SORBS2: variants seen among roughly 807,000 people sequenced by gnomAD.
The protein encoded by SORBS2 is sorbin and SH3 domain-containing protein 2.
Under a neutral mutation model 97.7 loss-of-function variants are expected in SORBS2, and 46 were observed. The observed-to-expected ratio is 0.47, with a 90% CI of 0.37 to 0.60. SORBS2 has a LOEUF of 0.60. SORBS2 is among the 20% of genes least tolerant of loss of function. The pLI, the probability that SORBS2 is intolerant of heterozygous loss-of-function variation, is 0.00. For missense variants in SORBS2, 1,316 were observed against 1,282.3 expected (o/e 1.03, Z -0.40); for synonymous variants, 476 against 473.4 (o/e 1.01, Z -0.07).
chr4:185,731,866 CTATATA>C (rs544211866), intron 2 of SORBS2, among the ~76,000 whole-genome samples: 465 of 24,534 alleles, frequency 0.019, 3 homozygotes, highest in Middle Eastern at 0.031. Context: ...CTCTCTCTCT[CTATATA>C]TATATATATA....
chr4:185,885,739 T>C (rs1270690572), intron 1 of SORBS2, among the ~76,000 whole-genome samples: 1 of 152,230 alleles, frequency 6.6e-6, no homozygotes, highest in Non-Finnish European at 1.5e-5. Flanking sequence ...AGAATATCCT[T>C]GGCATCTCTG....
chr4:185,736,400 A>G (rs2098687972), intron 2 of SORBS2, among the ~76,000 whole-genome samples: 1 of 152,224 alleles, frequency 6.6e-6, no homozygotes, highest in African/African-American at 2.4e-5. Flanking sequence ...CTGGGCCTGC[A>G]AAGGTAAAAG....
chr4:185,593,859 A>C, intron 13 of SORBS2, 27 bp downstream of exon 25: 1 of 1,518,474 alleles, frequency 6.6e-7, no homozygotes, highest in Non-Finnish European at 9.1e-7. Flanking sequence ...GTTAGTCTCA[A>C]ATTTAGAAGA....
At chr4:185,674,569 A>G (rs1423573709) in intron 4 of SORBS2, among the ~76,000 whole-genome samples, 1 of 152,202 alleles carries the variant, frequency 6.6e-6, no homozygotes, top group Non-Finnish European at 1.5e-5. Flanking sequence ...GGTAGCCTCA[A>G]CATCCTCCAG....
intron 2 of SORBS2, among the ~76,000 whole-genome samples, chr4:185,760,599 A>G (rs778210148): frequency 6.6e-6 from 1 of 152,220 alleles, no homozygotes; most frequent in Non-Finnish European, 1.5e-5. Context: ...CTGTATAGGC[A>G]TCCTATGTCT....
chr4:185,954,617 G>A (rs879475720), intron 1 of SORBS2, among the ~76,000 whole-genome samples: 8 of 152,156 alleles, frequency 5.3e-5, no homozygotes, highest in South Asian at 2.1e-4. Flanking sequence ...TAAACGAAGC[G>A]TCTCTTATTG....
intron 2 of SORBS2, among the ~76,000 whole-genome samples, chr4:185,650,804 A>T (rs2097300369): frequency 6.6e-6 from 1 of 152,166 alleles, no homozygotes; most frequent in South Asian, 2.1e-4. Flanking sequence ...TAAGGGAAAC[A>T]TCTTTGTGGG....
At chr4:185,722,174 A>T (rs2098520046) in intron 2 of SORBS2, among the ~76,000 whole-genome samples, 1 of 152,224 alleles carries the variant, frequency 6.6e-6, no homozygotes, top group Admixed American at 6.5e-5. Flanking sequence ...AGGATGATGA[A>T]ACGGCTATGA....
chr4:185,722,941 G>T (rs1354119283), intron 2 of SORBS2, among the ~76,000 whole-genome samples: 1 of 152,098 alleles, frequency 6.6e-6, no homozygotes, highest in African/African-American at 2.4e-5. Context: ...AAACATCTGA[G>T]AAATTAATAA....
intron 2 of SORBS2, among the ~76,000 whole-genome samples, chr4:185,703,655 T>C (rs2098297421): frequency 6.6e-6 from 1 of 152,192 alleles, no homozygotes; most frequent in East Asian, 1.9e-4. Context: ...TGTGCTTTGA[T>C]TACTGTTGAG....
chr4:185,727,205 T>A (rs2098559742), intron 2 of SORBS2, among the ~76,000 whole-genome samples: 1 of 152,178 alleles, frequency 6.6e-6, no homozygotes. Context: ...GTGATCAAAA[T>A]AGTTTCATCA....
chr4:185,677,749 G>C, intron 4 of SORBS2: 1 of 677,430 alleles, frequency 1.5e-6, no homozygotes, highest in Non-Finnish European at 2.3e-6. Flanking sequence ...CAGAAGTAAA[G>C]CAATGCCACA....
intron 1 of SORBS2, among the ~76,000 whole-genome samples, chr4:185,828,382 A>C (rs141687445): frequency 1.4e-4 from 22 of 152,208 alleles, no homozygotes; most frequent in Non-Finnish European, 2.8e-4. Flanking sequence ...AGCCCTCAGC[A>C]ATGCACACTC....
intron 2 of SORBS2, among the ~76,000 whole-genome samples, chr4:185,704,826 A>T (rs1261698772): frequency 6.6e-6 from 1 of 152,186 alleles, no homozygotes. Flanking sequence ...AAGCATTTCT[A>T]GTCCTTTTGA....
At chr4:185,767,559 T>TAAAAA (rs1584463136) in intron 2 of SORBS2, among the ~76,000 whole-genome samples, 1 of 143,418 alleles carries the variant, frequency 7.0e-6, no homozygotes, top group East Asian at 2.1e-4. Context: ...GGTGAAATAA[T>TAAAAA]AAAAACACAA....
intron 4 of SORBS2, among the ~76,000 whole-genome samples, chr4:185,636,736 C>A (rs1259268453): frequency 1.3e-5 from 2 of 151,662 alleles, no homozygotes; most frequent in Non-Finnish European, 2.9e-5. Context: ...GCAATCTCCG[C>A]CTCCCAGGTT....
chr4:185,639,952 A>C (rs2097099148), intron 4 of SORBS2, among the ~76,000 whole-genome samples: 1 of 152,204 alleles, frequency 6.6e-6, no homozygotes, highest in Non-Finnish European at 1.5e-5. Context: ...TATTCCAACA[A>C]AAGCCATGAT....
intron 2 of SORBS2, among the ~76,000 whole-genome samples, chr4:185,716,702 T>C (rs2098468047): frequency 6.6e-6 from 1 of 152,256 alleles, no homozygotes; most frequent in African/African-American, 2.4e-5. Flanking sequence ...TCTGTGTTCA[T>C]TGCACCTTCC....
At chr4:185,689,398 A>AC (rs1415415988) in intron 2 of SORBS2, among the ~76,000 whole-genome samples, 2 of 152,034 alleles carry the variant, frequency 1.3e-5, no homozygotes, top group Admixed American at 1.3e-4. Flanking sequence ...TGTCTCCTTT[A>AC]CCTGCTAATA....
Sources: allele counts gnomAD v4.1 joint callset (sites outside exome capture counted in the v4.1 genomes callset), GRCh38; gene constraint gnomAD v4.1.1; transcripts MANE v1.5; gene names NCBI Gene and HGNC (gene_info 2026-07-23, HGNC 2026-07-21).